Variants in MAX observed in about 807,000 individuals in gnomAD.
MAX encodes the protein MYC associated transcriptional regulator X.
Under a neutral mutation model 22.3 loss-of-function variants are expected in MAX, and 3 were observed. The observed-to-expected ratio is 0.13, with a 90% confidence interval of 0.06 to 0.35. The LOEUF is 0.35. Ranked by LOEUF, MAX falls within the 10% of genes least tolerant of loss-of-function variation. The pLI is 1.00. For missense variants in MAX, 119 were observed against 209.4 expected, an observed-to-expected ratio of 0.57 and a Z score of 2.66; for synonymous variants, 72 against 77.7, an observed-to-expected ratio of 0.93 and a Z score of 0.39.
In MAX at chr14:65,075,639, G is replaced by A; in HGVS notation, c.*837C>T. 9.4e-7 allele frequency: 1 copy of A among 1,066,368 alleles called. No individual in the cohort carries two copies. The highest frequency in any genetic ancestry group is 1.1e-6 in the Non-Finnish European group (1 of 879,726). 66.1% of individuals were successfully genotyped at this position (1,066,368 alleles called of 1,614,324 possible). ...ACTCAGATTCAAATTTAAGTAGCAG[G>A]AAATAAATATCAAAACATCATCACT... On this transcript the variant is annotated 3_prime_UTR_variant, in exon 5 of 5. Coordinates refer to ENST00000358664, the MANE Select transcript of MAX (RefSeq NM_002382.5). The surrounding 1 kb of genome is among the most constrained non-coding windows in gnomAD (Gnocchi z 4.1).
At chr14:65,015,468 A>C in intron 3 of MAX, 1 of 397,542 alleles carries the variant, frequency 2.5e-6, no homozygotes, top group Non-Finnish European at 4.3e-6. Context: ...GGCTAAGGCC[A>C]CAAAGCAAAG....
chr14:65,058,903 T>C (rs1316547303), intron 3 of MAX, among the ~76,000 whole-genome samples: 18 of 152,230 alleles, frequency 1.2e-4, no homozygotes, highest in African/African-American at 3.6e-4. Context: ...TTTTTGCATG[T>C]ACATTCATAA....
rs1453407236 is a variant in MAX at position 65,054,861 on chromosome 14, C to T, written c.171+38847G>A. Among the ~76,000 whole-genome samples the T allele has an allele frequency of 1.3e-5, 2 of 152,208 alleles. No individual in the cohort carries two copies. The highest frequency in any genetic ancestry group is 2.4e-5 in the African/African-American group (1 of 41,450). On this transcript the variant is annotated intron_variant, in intron 3 of 3. Transcript: ENST00000341653. This position sits in a 1 kb window ranked among gnomAD's most constrained non-coding sequence, Gnocchi z 4.4. ...AGTGAGGATGTGACCACAGAGGAGA[C>T]GCACCTCTGGGCAAGCTCAGGGTTC...
chr14:65,053,626 T>TAAAAAAAAAAACAAAAAA (rs201689378), intron 3 of MAX, among the ~76,000 whole-genome samples: 2 of 144,320 alleles, frequency 1.4e-5, no homozygotes, highest in African/African-American at 5.3e-5. Flanking sequence ...TTCTTTTTTT[T>TAAAAAAAAAAACAAAAAA]AAAAAAAACA....
In MAX at chr14:65,101,536, G is replaced by A. The variant is rs764233219; in HGVS notation, c.63+10C>T. ...GGAAATAAAAATGAAATGGAGAGTAGGAGACGTACCGCAGATTGAAACCTC... is the reference window on the plus strand; with the variant it reads ...GGAAATAAAAATGAAATGGAGAGTAAGAGACGTACCGCAGATTGAAACCTC... On this transcript the variant is annotated intron_variant, in intron 2 of 4. Coordinates refer to ENST00000358664, the MANE Select transcript of MAX (RefSeq NM_002382.5). 1 of 1,608,554 alleles carries A rather than the reference G, an allele frequency of 6.2e-7. No homozygotes were observed. Among genetic ancestry groups the A allele is most frequent in the Non-Finnish European group, 8.5e-7 (1 of 1,175,760 alleles).
chr14:65,087,408 AG>A (rs1415714879), intron 3 of MAX, among the ~76,000 whole-genome samples: 1 of 152,230 alleles, frequency 6.6e-6, no homozygotes, highest in African/African-American at 2.4e-5. Flanking sequence ...GAAAGCAGCC[AG>A]GAAGGAGGCT....
intron 3 of MAX, among the ~76,000 whole-genome samples, chr14:65,008,305 G>A (rs2061627670): frequency 6.6e-6 from 1 of 152,140 alleles, no homozygotes; most frequent in Non-Finnish European, 1.5e-5. Context: ...GGGAGGAAGT[G>A]GCTTTGCTCT....
In MAX at chr14:65,082,400, C is replaced by T. The variant is rs1310733007; in HGVS notation, c.172-4364G>A. On this transcript the variant is annotated intron_variant, in intron 3 of 4. Coordinates refer to ENST00000358664, the MANE Select transcript of MAX (RefSeq NM_002382.5). This position sits in a 1 kb window ranked among gnomAD's most constrained non-coding sequence, Gnocchi z 4.8. ...GCCCAATGGTAAATTGTCTCTGCACCGGTAACAGGCATAAGAATTGAGTTG... is the reference window on the plus strand; with the variant it reads ...GCCCAATGGTAAATTGTCTCTGCACTGGTAACAGGCATAAGAATTGAGTTG... 4 of 152,218 alleles carry T rather than the reference C, an allele frequency of 2.6e-5. No homozygotes were observed. Among genetic ancestry groups the T allele is most frequent in the South Asian group, 2.1e-4 (1 of 4,814 alleles). The allele number at this position is 152,218 out of a possible 1,614,324, so 9.4% of individuals were successfully genotyped here.
At position 65,032,736 on chromosome 14, in the gene MAX, A is replaced by G. The variant is rs183491384; in HGVS notation, c.172-26452T>C. 6.1e-4 allele frequency: 981 copies of G among 1,595,528 alleles called. 4 individuals are homozygous for G. The African/African-American group carries it at 0.012, about 19-fold the overall frequency. On this transcript the variant is annotated intron_variant, in intron 3 of 3. Coordinates refer to the MAX transcript ENST00000341653. This position sits in a 1 kb window ranked among gnomAD's most constrained non-coding sequence, Gnocchi z 5.0. ...GGTTTCTCCTGGCCTCTTGGAGAGC[A>G]GGCGGTCACGACACTACTTCAGAAA... is the stretch of plus-strand genomic sequence containing the variant.
At chr14:65,065,361 T>G (rs2062921248) in intron 3 of MAX, among the ~76,000 whole-genome samples, 1 of 152,172 alleles carries the variant, frequency 6.6e-6, no homozygotes, top group Admixed American at 6.5e-5. Flanking sequence ...TACCTGCAAC[T>G]GAAAGCAACC....
chr14:65,017,797 A>G (rs1275548635), intron 3 of MAX, among the ~76,000 whole-genome samples: 2 of 152,024 alleles, frequency 1.3e-5, no homozygotes, highest in Non-Finnish European at 2.9e-5. Context: ...CTCTACTAAA[A>G]TACAAAAATT....
chr14:65,052,867 A>C (rs2062645706), intron 3 of MAX, among the ~76,000 whole-genome samples: 1 of 152,188 alleles, frequency 6.6e-6, no homozygotes, highest in South Asian at 2.1e-4. Flanking sequence ...ATGTCTCTTG[A>C]AGTCCAGGGT....
chr14:65,040,471 C>T (rs2062323874), intron 3 of MAX, among the ~76,000 whole-genome samples: 1 of 151,898 alleles, frequency 6.6e-6, no homozygotes, highest in Non-Finnish European at 1.5e-5. Context: ...GACCTAGTCT[C>T]ACTCTTTCAC....
In MAX at chr14:65,012,343, T is replaced by A; in HGVS notation, c.172-6059A>T. On this transcript the variant is annotated intron_variant, in intron 3 of 3. Transcript: ENST00000341653. This position sits in a 1 kb window ranked among gnomAD's most constrained non-coding sequence, Gnocchi z 5.0. ...CTTGTTTTGCAGAGGGAGAAGCACT[T>A]CCATTATCTGAAAAGAGGCCTTCGA... is the stretch of plus-strand genomic sequence containing the variant. 1 of 1,614,180 alleles carries A rather than the reference T, an allele frequency of 6.2e-7. No homozygotes were observed. The highest frequency in any genetic ancestry group is 8.5e-7 in the Non-Finnish European group (1 of 1,180,000).
chr14:65,089,748 C>T (rs2063444178), intron 3 of MAX, among the ~76,000 whole-genome samples: 1 of 71,800 alleles, frequency 1.4e-5, no homozygotes, highest in Non-Finnish European at 2.6e-5. Context: ...ATAAAAGTAG[C>T]ATCTCTGTAA....
chr14:65,035,189 G>A (rs778710274), intron 3 of MAX, among the ~76,000 whole-genome samples: 5 of 152,144 alleles, frequency 3.3e-5, no homozygotes, highest in Non-Finnish European at 5.9e-5. Context: ...TTGGCTGCCC[G>A]CCCTGACCCC....
At chr14:65,087,996 G>T (rs1367873360) in intron 3 of MAX, among the ~76,000 whole-genome samples, 1 of 152,154 alleles carries the variant, frequency 6.6e-6, no homozygotes, top group Non-Finnish European at 1.5e-5. Flanking sequence ...AAAAACAGGA[G>T]TTTCCCTGCA....
rs2061667122 is a variant in MAX at position 65,010,554 on chromosome 14, C to G, written c.172-4270G>C. ...AGCTCCTCAGAGCTTCTAACCCTGT[C>G]TCCCCACCCCATCTGTCTGCCCACT... On this transcript the variant is annotated intron_variant, in intron 3 of 3. Transcript: ENST00000341653. Among the ~76,000 whole-genome samples, 6 of 152,310 alleles carry G rather than the reference C, an allele frequency of 3.9e-5. No homozygotes were observed. The South Asian group carries it at 1.2e-3, about 32-fold the overall frequency.
chr14:65,027,656 G>T lies in MAX; in HGVS notation c.172-21372C>A, dbSNP rs370162681. On this transcript the variant is annotated intron_variant, in intron 3 of 3. Coordinates refer to the MAX transcript ENST00000341653. The surrounding 1 kb of genome is among the most constrained non-coding windows in gnomAD (Gnocchi z 5.7). The stretch of plus-strand genomic sequence containing the variant: ...AGAGGAGTTCCCCGCCTGCTGACAC[G>T]CACTGACTGTTGCCTCTCCTACCTC... 1.2e-6 allele frequency: 2 copies of T among 1,614,074 alleles called. No individual in the cohort carries two copies. The highest frequency in any genetic ancestry group is 1.1e-5 in the South Asian group (1 of 91,066).
Sources: allele counts gnomAD v4.1 joint callset (sites outside exome capture counted in the v4.1 genomes callset), GRCh38; gene constraint gnomAD v4.1.1; non-coding constraint Gnocchi (gnomAD v3.1); transcripts MANE v1.5; gene names NCBI Gene and HGNC (gene_info 2026-07-23, HGNC 2026-07-21).